The following ERC2 variants were observed in gnomAD, a reference collection of about 807,000 sequenced individuals.
The protein encoded by ERC2 is ERC protein 2.
A neutral mutation model predicts 114.8 loss-of-function variants in ERC2; 42 were observed. The ratio of observed to expected loss-of-function variants is 0.37; its 90% confidence interval spans 0.29 to 0.47. The LOEUF (loss-of-function observed/expected upper bound fraction) is 0.47, where lower values mean the gene tolerates loss of function less well. ERC2 is among the 20% of genes least tolerant of loss of function. The pLI is 0.99. For synonymous variants in ERC2, 454 were observed against 425.5 expected, an observed-to-expected ratio of 1.07 and a Z score of -0.82; for missense variants, 939 against 1,150.7, an observed-to-expected ratio of 0.82 and a Z score of 2.66.
At position 55,619,260 on chromosome 3, in the gene ERC2, C is replaced by T. The variant is rs1478650153; in HGVS notation, c.*39+64534G>A. The stretch of plus-strand genomic sequence containing the variant: ...AAACTGGACAAATTCTGAAGAAATC[C>T]GAAGGAATTTCTTTAGAAAAGAATT... On this transcript the variant is annotated intron_variant, in intron 17 of 17. Coordinates refer to ENST00000288221, the MANE Select transcript of ERC2 (RefSeq NM_015576.3). 5.9e-5 allele frequency among the ~76,000 whole-genome samples: 9 copies of T among 152,070 alleles called. 1 individual carries two copies. Among genetic ancestry groups the T allele is most frequent in the Middle Eastern group, 3.2e-3 (1 of 316 alleles).
In ERC2 at chr3:55,854,458, C is replaced by T. The variant is rs372011795; in HGVS notation, c.2564+33931G>A. Among the ~76,000 whole-genome samples, 63 of 152,224 alleles carry T rather than the reference C, an allele frequency of 4.1e-4. 1 individual carries two copies. In the South Asian group the frequency reaches 0.013, roughly 31 times the overall value. On this transcript the variant is annotated intron_variant, in intron 14 of 17. Coordinates refer to ENST00000288221, the MANE Select transcript of ERC2 (RefSeq NM_015576.3). ...TAAGGAATCCAAAAGCTAAGAAAAT[C>T]TTCCTCTTCATTTGTGGCTGAGAGC...
chr3:56,276,010 C>T (rs2053966072), intron 3 of ERC2, among the ~76,000 whole-genome samples: 1 of 152,172 alleles, frequency 6.6e-6, no homozygotes, highest in South Asian at 2.1e-4. Flanking sequence ...TCTTTCAAAG[C>T]CGCTGTAGAT....
chr3:56,151,063 G>T (rs563019845), intron 4 of ERC2, among the ~76,000 whole-genome samples: 1 of 152,020 alleles, frequency 6.6e-6, no homozygotes, highest in Non-Finnish European at 1.5e-5. Context: ...CCCTAATCTC[G>T]GCCTTCTAGC....
intron 14 of ERC2, among the ~76,000 whole-genome samples, chr3:55,846,801 T>G (rs2061390632): frequency 6.6e-6 from 1 of 152,080 alleles, no homozygotes; most frequent in South Asian, 2.1e-4. Flanking sequence ...CAGGTTTCCA[T>G]TTCAAGATAT....
chr3:56,062,572 A>G (rs1361714118), intron 7 of ERC2, among the ~76,000 whole-genome samples: 1 of 152,190 alleles, frequency 6.6e-6, no homozygotes, highest in Non-Finnish European at 1.5e-5. Context: ...TTCTCATTCT[A>G]AAACAAGAAG....
intron 2 of ERC2, among the ~76,000 whole-genome samples, chr3:56,421,501 TA>T (rs1429041262): frequency 3.9e-5 from 6 of 152,232 alleles, no homozygotes; most frequent in Non-Finnish European, 8.8e-5. Flanking sequence ...TCAATTGGAT[TA>T]TTGGTTCTCT....
intron 13 of ERC2, among the ~76,000 whole-genome samples, chr3:55,920,445 C>CACACACAT (rs769394102): frequency 6.7e-6 from 1 of 148,496 alleles, no homozygotes; most frequent in Non-Finnish European, 1.5e-5. Context: ...CACACACACA[C>CACACACAT]ACCCCAAGTG....
chr3:55,755,846 T>C (rs2067021065), intron 14 of ERC2, among the ~76,000 whole-genome samples: 1 of 152,210 alleles, frequency 6.6e-6, no homozygotes, highest in African/African-American at 2.4e-5. Flanking sequence ...TACAGATAAA[T>C]GGTGTTCAGA....
At chr3:56,018,749 T>C in intron 8 of ERC2, 145 bp downstream of exon 8, 2 of 824,984 alleles carry the variant, frequency 2.4e-6, no homozygotes. Flanking sequence ...GAAGAGGGCT[T>C]GTGTGGGAAG....
intron 13 of ERC2, among the ~76,000 whole-genome samples, chr3:55,936,417 G>A (rs1253449552): frequency 6.6e-6 from 1 of 152,156 alleles, no homozygotes; most frequent in Non-Finnish European, 1.5e-5. Context: ...ATGTGCTCAT[G>A]GGAAAGACAG....
intron 15 of ERC2, among the ~76,000 whole-genome samples, chr3:55,717,614 T>C (rs2064200531): frequency 6.6e-6 from 1 of 152,182 alleles, no homozygotes; most frequent in Non-Finnish European, 1.5e-5. Flanking sequence ...GAGAAGCTCT[T>C]TTTTGGATTT....
chr3:56,364,341 T>C (rs928495145), intron 2 of ERC2, among the ~76,000 whole-genome samples: 3 of 152,238 alleles, frequency 2.0e-5, no homozygotes, highest in African/African-American at 7.2e-5. Flanking sequence ...TACAACACTG[T>C]GAATGTAATT....
intron 17 of ERC2, among the ~76,000 whole-genome samples, chr3:55,538,104 T>C (rs1431388530): frequency 6.6e-6 from 1 of 152,222 alleles, no homozygotes; most frequent in East Asian, 1.9e-4. Flanking sequence ...AATCTGTTAG[T>C]AGCTATAGAC....
chr3:56,288,461 T>C (rs191277434), intron 3 of ERC2, among the ~76,000 whole-genome samples: 31 of 152,258 alleles, frequency 2.0e-4, no homozygotes, highest in African/African-American at 7.5e-4. Flanking sequence ...AAATGCCTTG[T>C]GTCTAATGGC....
chr3:55,584,897 GA>G (rs1335257271), intron 17 of ERC2, among the ~76,000 whole-genome samples: 1 of 152,210 alleles, frequency 6.6e-6, no homozygotes, highest in African/African-American at 2.4e-5. Flanking sequence ...AAGCTAAGCA[GA>G]GGCCCTGATT....
At chr3:56,293,581 T>C (rs1414711963) in intron 3 of ERC2, among the ~76,000 whole-genome samples, 1 of 152,242 alleles carries the variant, frequency 6.6e-6, no homozygotes, top group Non-Finnish European at 1.5e-5. Flanking sequence ...TCTTGTTTGC[T>C]GAGTTCAAGT....
At chr3:55,817,522 C>T (rs183911772) in intron 14 of ERC2, among the ~76,000 whole-genome samples, 3 of 152,214 alleles carry the variant, frequency 2.0e-5, no homozygotes, top group South Asian at 2.1e-4. Flanking sequence ...TGCAAATAAG[C>T]GATATTTATA....
At chr3:55,534,642 G>T (rs1026067185) in intron 17 of ERC2, among the ~76,000 whole-genome samples, 5 of 152,116 alleles carry the variant, frequency 3.3e-5, no homozygotes, top group African/African-American at 1.2e-4. Context: ...GCTGCAGTGA[G>T]CTGAGATTAC....
chr3:56,348,061 T>G (rs905405611), intron 2 of ERC2, among the ~76,000 whole-genome samples: 1 of 152,208 alleles, frequency 6.6e-6, no homozygotes, highest in Non-Finnish European at 1.5e-5. Context: ...AAATCCCATC[T>G]GTTGTTCTCA....
Sources: gnomAD v4.1 joint callset for allele counts (sites outside exome capture counted in the v4.1 genomes callset) on GRCh38, gnomAD v4.1.1 for gene constraint, MANE v1.5 for transcripts, NCBI Gene and HGNC (gene_info 2026-07-23, HGNC 2026-07-21) for gene names.